The following RPIA variants were observed in gnomAD, a reference collection of about 807,000 sequenced individuals.
RPIA encodes the protein ribose 5-phosphate isomerase A.
Under a neutral mutation model 37.8 loss-of-function variants are expected in RPIA, and 29 were observed. The observed-to-expected ratio is 0.77, with a 90% CI of 0.57 to 1.05. RPIA has a LOEUF of 1.05. Ranked by LOEUF, RPIA falls within the 50% of genes least tolerant of loss-of-function variation. The probability of loss-of-function intolerance (pLI) is 0.00; values close to 1 mark genes in which losing one functional copy is unlikely to be tolerated. For missense variants in RPIA, 385 were observed against 413.6 expected (o/e 0.93, Z 0.60); for synonymous variants, 167 against 157.0 (o/e 1.06, Z -0.48).
At chr2:88,733,679 T>G (rs1448559143) in intron 4 of RPIA, among the ~76,000 whole-genome samples, 1 of 152,182 alleles carries the variant, frequency 6.6e-6, no homozygotes, top group African/African-American at 2.4e-5. Context: ...CATATGAAAC[T>G]GTATTTTTTA....
rs768791957 is a variant in RPIA, at chr2:88,698,516, T to A, written c.318T>A (p.Ser106=). Residue 106 remains serine (S), a synonymous_variant, in exon 2 of 9, where the codon TCT becomes TCA. Transcript: ENST00000283646. ...NNQVLGIGSG[S]TIVHAVQRIA... The stretch of plus-strand genomic sequence containing the variant: ...AAGTGCTGGGAATTGGAAGTGGTTC[T>A]ACAATTGTCCATGCTGTGCAGCGAA... The A allele has an allele frequency of 6.2e-7, 1 of 1,614,250 alleles. No homozygotes were observed.
chr2:88,701,074 C>T (rs541408577), intron 3 of RPIA, among the ~76,000 whole-genome samples: 3 of 152,250 alleles, frequency 2.0e-5, no homozygotes, highest in African/African-American at 7.2e-5. Context: ...TCCTTCTAAA[C>T]CAGACTGGCC....
At chr2:88,708,126 A>G (rs1223273996) in intron 3 of RPIA, among the ~76,000 whole-genome samples, 4 of 152,240 alleles carry the variant, frequency 2.6e-5, no homozygotes, top group Admixed American at 2.0e-4. Context: ...AACAAAAGAT[A>G]TATGCAGAAG....
At chr2:88,693,587 C>T (rs958337853) in intron 1 of RPIA, among the ~76,000 whole-genome samples, 2 of 152,246 alleles carry the variant, frequency 1.3e-5, no homozygotes, top group Non-Finnish European at 2.9e-5. Flanking sequence ...TCGTTTCTTC[C>T]AGCCCCTTAA....
chr2:88,722,875 T>C (rs186011450), intron 3 of RPIA, among the ~76,000 whole-genome samples: 2 of 152,290 alleles, frequency 1.3e-5, no homozygotes, highest in Admixed American at 1.3e-4. Context: ...TCTAGACTGT[T>C]TTTGGTACTG....
intron 7 of RPIA, among the ~76,000 whole-genome samples, chr2:88,737,387 T>TA (rs1022683834): frequency 4.0e-4 from 61 of 151,742 alleles, no homozygotes; most frequent in African/African-American, 1.3e-3. Flanking sequence ...CTGTGACTTT[T>TA]AAAAAAAAAC....
At chr2:88,711,056 C>T (rs950980149) in intron 3 of RPIA, among the ~76,000 whole-genome samples, 1 of 152,182 alleles carries the variant, frequency 6.6e-6, no homozygotes, top group Non-Finnish European at 1.5e-5. Flanking sequence ...TCTTTGGAAC[C>T]ACTACATGTC....
At chr2:88,734,260 G>A (rs562410701) in intron 4 of RPIA, among the ~76,000 whole-genome samples, 2 of 151,978 alleles carry the variant, frequency 1.3e-5, no homozygotes, top group East Asian at 1.9e-4. Flanking sequence ...CTGAGAACAC[G>A]TGCTCTAAAT....
At chr2:88,713,121 T>TA (rs58120689) in intron 3 of RPIA, among the ~76,000 whole-genome samples, 11,490 of 55,088 alleles carry the variant, frequency 0.21, 669 homozygotes, top group Non-Finnish European at 0.23. Flanking sequence ...TATATATATA[T>TA]TTTTTTTTTT....
intron 8 of RPIA, among the ~76,000 whole-genome samples, chr2:88,742,742 T>A (rs1200944697): frequency 6.6e-6 from 1 of 152,182 alleles, no homozygotes; most frequent in Non-Finnish European, 1.5e-5. Flanking sequence ...GTAGTTTTCC[T>A]TGTAGAGATC....
intron 3 of RPIA, among the ~76,000 whole-genome samples, chr2:88,725,675 C>T (rs928929751): frequency 6.6e-6 from 1 of 152,196 alleles, no homozygotes; most frequent in Non-Finnish European, 1.5e-5. Flanking sequence ...TCTAAAGACA[C>T]TGTCTCCATA....
At chr2:88,708,834 G>A (rs1475273160) in intron 3 of RPIA, among the ~76,000 whole-genome samples, 1 of 148,980 alleles carries the variant, frequency 6.7e-6, no homozygotes, top group Non-Finnish European at 1.5e-5. Context: ...TTGGCTCACT[G>A]CAAGCTCCAC....
At chr2:88,735,569 A>G (rs1036517064) in intron 5 of RPIA, 100 bp from the exon 6 acceptor site, 3 of 1,049,674 alleles carry the variant, frequency 2.9e-6, no homozygotes, top group African/African-American at 3.1e-5. Context: ...TTTCTCTTTA[A>G]GTGCCAGGAT....
At chr2:88,700,578 C>T (rs997057850) in intron 3 of RPIA, among the ~76,000 whole-genome samples, 13 of 152,002 alleles carry the variant, frequency 8.6e-5, no homozygotes, top group Non-Finnish European at 1.5e-4. Context: ...CCCTTGAGCC[C>T]AGGAGGTCCA....
rs151226092 is a variant in RPIA, at chr2:88,750,319, A to G, written c.*241A>G. The G allele has an allele frequency of 1.1e-3, 437 of 405,698 alleles. 1 individual carries two copies. Among genetic ancestry groups the G allele is most frequent in the African/African-American group, 7.7e-3 (385 of 50,034 alleles). 25.1% of individuals were successfully genotyped at this position (405,698 alleles called of 1,614,324 possible). On this transcript the variant is annotated 3_prime_UTR_variant, in exon 9 of 9. Transcript: ENST00000283646. Reference sequence around the variant, plus strand: ...TTAAAATATTCAGTTTTTTAAATGAAGTAGAACTTGAGTTCATGTTTTATA... The same window carrying G: ...TTAAAATATTCAGTTTTTTAAATGAGGTAGAACTTGAGTTCATGTTTTATA...
At position 88,729,174 on chromosome 2, in the gene RPIA, A is replaced by G. The variant is rs1673234562; in HGVS notation, c.403-104A>G. ...GGTGGGCCATGCTGGGCTTTGGGAG[A>G]GAGCCTGGGTAGGACTTGGGACACT... On this transcript the variant is annotated intron_variant, in intron 3 of 8. Transcript: ENST00000283646. 2.5e-6 allele frequency: 3 copies of G among 1,222,960 alleles called. No homozygotes were observed. The South Asian group carries it at 3.8e-5, about 15-fold the overall frequency. 75.8% of individuals were successfully genotyped at this position (1,222,960 alleles called of 1,614,324 possible). A position where few individuals can be genotyped will look rare whatever the true frequency, so the allele number is the denominator to read the frequency against.
At chr2:88,706,629 A>G (rs1672901250) in intron 3 of RPIA, among the ~76,000 whole-genome samples, 1 of 152,090 alleles carries the variant, frequency 6.6e-6, no homozygotes, top group Non-Finnish European at 1.5e-5. Context: ...TGATGGGTTG[A>G]TAGATGCAGC....
At position 88,721,727 on chromosome 2, in the gene RPIA, A is replaced by G. The variant is rs761900801; in HGVS notation, c.403-7551A>G. ...GCCATAAAAAAGGATGAGTTCATAT[A>G]TATTATATAATTATAATTATGTATT... On this transcript the variant is annotated intron_variant, in intron 3 of 8. Coordinates refer to ENST00000283646, the MANE Select transcript of RPIA (RefSeq NM_144563.3). Among the ~76,000 whole-genome samples the G allele has an allele frequency of 5.6e-4, 84 of 149,254 alleles. 1 individual carries two copies. The highest frequency in any genetic ancestry group is 5.0e-4 in the Non-Finnish European group (34 of 67,428).
intron 3 of RPIA, among the ~76,000 whole-genome samples, chr2:88,726,853 C>A (rs1673203116): frequency 6.6e-6 from 1 of 152,130 alleles, no homozygotes; most frequent in South Asian, 2.1e-4. Context: ...GATGATCCTC[C>A]TGCCTCAGCC....
Sources: gnomAD v4.1 joint callset for allele counts (sites outside exome capture counted in the v4.1 genomes callset) on GRCh38, gnomAD v4.1.1 for gene constraint, MANE v1.5 for transcripts, NCBI Gene and HGNC (gene_info 2026-07-23, HGNC 2026-07-21) for gene names.